Variants in ANAPC10 observed in about 807,000 individuals in gnomAD.
ANAPC10 encodes the protein anaphase promoting complex subunit 10, also known as anaphase-promoting complex subunit 10.
Under a neutral mutation model 22.0 loss-of-function variants are expected in ANAPC10, and 12 were observed. That is an observed-to-expected ratio of 0.55 (90% confidence interval 0.35 to 0.88). ANAPC10 has a LOEUF of 0.88. ANAPC10 is among the 40% of genes least tolerant of loss of function. The probability of loss-of-function intolerance (pLI) is 0.01; values close to 1 mark genes in which losing one functional copy is unlikely to be tolerated. For synonymous variants in ANAPC10, 65 were observed against 69.5 expected, an observed-to-expected ratio of 0.94 and a Z score of 0.32; for missense variants, 188 against 220.9, an observed-to-expected ratio of 0.85 and a Z score of 0.94.
At chr4:145,043,959 T>C (rs1378532073) in intron 4 of ANAPC10, among the ~76,000 whole-genome samples, 1 of 152,064 alleles carries the variant, frequency 6.6e-6, no homozygotes, top group Non-Finnish European at 1.5e-5. Context: ...AGTTCTTTAA[T>C]ATATAATTTT....
At chr4:144,997,302 T>C (rs1731768359) in intron 4 of ANAPC10, among the ~76,000 whole-genome samples, 1 of 151,978 alleles carries the variant, frequency 6.6e-6, no homozygotes, top group Non-Finnish European at 1.5e-5. Flanking sequence ...TCACCAAGGT[T>C]GATATGAAGG....
chr4:145,083,111 T>G (rs1746319700), intron 2 of ANAPC10, among the ~76,000 whole-genome samples: 1 of 152,128 alleles, frequency 6.6e-6, no homozygotes, highest in Admixed American at 6.5e-5. Context: ...TATCTGGAGT[T>G]TTTTACCATA....
chr4:144,996,733 G>A (rs2126823463), intron 4 of ANAPC10, among the ~76,000 whole-genome samples: 1 of 152,278 alleles, frequency 6.6e-6, no homozygotes, highest in East Asian at 1.9e-4. Flanking sequence ...GACGGAGAAT[G>A]ACTTTGACGA....
At chr4:145,035,894 T>A (rs1388492169) in intron 4 of ANAPC10, among the ~76,000 whole-genome samples, 1 of 152,192 alleles carries the variant, frequency 6.6e-6, no homozygotes, top group Non-Finnish European at 1.5e-5. Flanking sequence ...TCTGCTTTTC[T>A]GATGGACCTT....
In ANAPC10 at chr4:145,098,183, C is replaced by G. The variant is rs567760043; in HGVS notation, c.-76G>C. 6.5e-6 allele frequency: 1 copy of G among 152,766 alleles called. No individual in the cohort carries two copies. The highest frequency in any genetic ancestry group is 2.1e-4 in the South Asian group (1 of 4,854). 9.5% of individuals were successfully genotyped at this position (152,766 alleles called of 1,614,324 possible). ...CGGCACCTCCAGCAGCTGGCTTCGCCAACGGCGTTGAACAAGGGTCGCAGC... is the reference window on the plus strand; with the variant it reads ...CGGCACCTCCAGCAGCTGGCTTCGCGAACGGCGTTGAACAAGGGTCGCAGC... On this transcript the variant is annotated 5_prime_UTR_variant, in exon 1 of 5. Coordinates refer to ENST00000507656, the MANE Select transcript of ANAPC10 (RefSeq NM_001256706.2).
intron 3 of ANAPC10, among the ~76,000 whole-genome samples, chr4:145,080,557 T>C (rs1409166557): frequency 6.6e-6 from 1 of 152,202 alleles, no homozygotes; most frequent in Non-Finnish European, 1.5e-5. Context: ...ATTTGCTGAT[T>C]TGTACTCTAG....
intron 2 of ANAPC10, among the ~76,000 whole-genome samples, chr4:145,088,728 T>C (rs889503030): frequency 1.3e-5 from 2 of 152,224 alleles, no homozygotes; most frequent in Non-Finnish European, 2.9e-5. Context: ...GTGGACACAG[T>C]CATCTTTTAA....
chr4:145,008,228 T>A (rs569343171), intron 4 of ANAPC10, among the ~76,000 whole-genome samples: 2 of 152,128 alleles, frequency 1.3e-5, no homozygotes, highest in African/African-American at 4.8e-5. Context: ...CAGGACCAGA[T>A]GGATTCACAG....
intron 2 of ANAPC10, among the ~76,000 whole-genome samples, chr4:145,085,733 G>A (rs1746790728): frequency 6.6e-6 from 1 of 152,064 alleles, no homozygotes; most frequent in African/African-American, 2.4e-5. Flanking sequence ...GAAATACTAA[G>A]TATGATTACC....
At chr4:145,036,810 C>T (rs1386826891) in intron 4 of ANAPC10, among the ~76,000 whole-genome samples, 1 of 152,058 alleles carries the variant, frequency 6.6e-6, no homozygotes, top group East Asian at 1.9e-4. Flanking sequence ...GTCTAAACTA[C>T]TTCGAGTTCA....
At chr4:145,071,874 C>T (rs1007085237) in intron 3 of ANAPC10, among the ~76,000 whole-genome samples, 3 of 152,052 alleles carry the variant, frequency 2.0e-5, no homozygotes, top group Non-Finnish European at 4.4e-5. Flanking sequence ...AACATACAGC[C>T]AAGTACAGAG....
intron 4 of ANAPC10, among the ~76,000 whole-genome samples, chr4:145,026,928 T>C (rs111418067): frequency 0.043 from 772 of 17,756 alleles, 24 homozygotes; most frequent in Non-Finnish European, 0.062. Context: ...TACATATATA[T>C]ATATATATAT....
intron 4 of ANAPC10, among the ~76,000 whole-genome samples, chr4:145,061,686 T>C (rs1221288939): frequency 6.6e-6 from 1 of 152,196 alleles, no homozygotes; most frequent in Non-Finnish European, 1.5e-5. Flanking sequence ...CTTACCAATA[T>C]GAGTGATCCA....
At chr4:145,052,115 G>A (rs1035129877) in intron 4 of ANAPC10, among the ~76,000 whole-genome samples, 26 of 152,098 alleles carry the variant, frequency 1.7e-4, no homozygotes, top group African/African-American at 6.0e-4. Context: ...GGAGTAAGGG[G>A]GACAGTTGGG....
chr4:145,035,159 T>C (rs564545172), intron 4 of ANAPC10: 1 of 152,346 alleles, frequency 6.6e-6, no homozygotes, highest in South Asian at 2.1e-4. Flanking sequence ...GGCTGCGACA[T>C]CTGTCACCCC....
intron 4 of ANAPC10, among the ~76,000 whole-genome samples, chr4:145,025,343 CT>C (rs1477480310): frequency 3.6e-5 from 5 of 138,764 alleles, no homozygotes; most frequent in East Asian, 2.5e-4. Flanking sequence ...CCCCCCCCCC[CT>C]TTTAAGCTCA....
At chr4:145,082,295 A>G (rs1746168855) in intron 2 of ANAPC10, among the ~76,000 whole-genome samples, 1 of 152,158 alleles carries the variant, frequency 6.6e-6, no homozygotes, top group African/African-American at 2.4e-5. Context: ...GATTACAGGC[A>G]CACGCCACCA....
At chr4:145,064,885 GATA>G (rs764236630) in intron 3 of ANAPC10, among the ~76,000 whole-genome samples, 193 bp from the exon 4 acceptor site, 1 of 151,852 alleles carries the variant, frequency 6.6e-6, no homozygotes, top group Non-Finnish European at 1.5e-5. Flanking sequence ...TATAGGCCCA[GATA>G]ATATGTTAAT....
chr4:145,064,950 G>C (rs1743458961), intron 3 of ANAPC10, among the ~76,000 whole-genome samples: 1 of 151,838 alleles, frequency 6.6e-6, no homozygotes. Context: ...AAGCAAAGAA[G>C]GATCAGTTAA....
Sources: gnomAD v4.1 joint callset for allele counts (sites outside exome capture counted in the v4.1 genomes callset) on GRCh38, gnomAD v4.1.1 for gene constraint, MANE v1.5 for transcripts, NCBI Gene and HGNC (gene_info 2026-07-23, HGNC 2026-07-21) for gene names.